Variants in SPOCK3 observed in about 807,000 individuals in gnomAD.
The protein encoded by SPOCK3 is SPARC (osteonectin), cwcv and kazal like domains proteoglycan 3.
SPOCK3 carries 30 observed loss-of-function variants against 56.6 expected under a neutral mutation model. The observed-to-expected ratio is 0.53, with a 90% CI of 0.40 to 0.72. The LOEUF is 0.72. Ranked by LOEUF, SPOCK3 falls within the 30% of genes least tolerant of loss-of-function variation. The pLI is 0.00. For missense variants in SPOCK3, 527 were observed against 530.0 expected (o/e 0.99, Z 0.06); for synonymous variants, 196 against 183.3 (o/e 1.07, Z -0.56).
chr4:166,929,177 T>G (rs1002291868), intron 4 of SPOCK3, among the ~76,000 whole-genome samples: 1 of 148,766 alleles, frequency 6.7e-6, no homozygotes, highest in Admixed American at 6.7e-5. Flanking sequence ...TCTAAAAAAG[T>G]AAGTATTTTA....
At chr4:167,179,416 A>T (rs902789503) in intron 2 of SPOCK3, among the ~76,000 whole-genome samples, 1 of 152,166 alleles carries the variant, frequency 6.6e-6, no homozygotes. Flanking sequence ...CATGCACATA[A>T]ATCTACTTAT....
chr4:166,825,209 T>C (rs1745331788), intron 6 of SPOCK3, among the ~76,000 whole-genome samples: 1 of 152,110 alleles, frequency 6.6e-6, no homozygotes, highest in Non-Finnish European at 1.5e-5. Flanking sequence ...TTAGATTTGA[T>C]CTTGCCCTAA....
intron 3 of SPOCK3, among the ~76,000 whole-genome samples, chr4:167,027,042 C>T (rs1751760063): frequency 6.6e-6 from 1 of 151,866 alleles, no homozygotes; most frequent in Non-Finnish European, 1.5e-5. Flanking sequence ...CATGTTCTCT[C>T]TACCTGGAAT....
At chr4:167,092,140 G>A (rs1336064607) in intron 2 of SPOCK3, among the ~76,000 whole-genome samples, 4 of 152,092 alleles carry the variant, frequency 2.6e-5, no homozygotes, top group Non-Finnish European at 5.9e-5. Flanking sequence ...AGCACACAGA[G>A]GGCAAGCTGA....
chr4:167,221,910 A>T (rs1171582997), intron 2 of SPOCK3, among the ~76,000 whole-genome samples: 1 of 152,174 alleles, frequency 6.6e-6, no homozygotes, highest in Non-Finnish European at 1.5e-5. Flanking sequence ...GTTCCTAAAA[A>T]AATTAAAAAC....
chr4:167,190,791 A>G (rs912067502), intron 2 of SPOCK3, among the ~76,000 whole-genome samples: 1 of 145,684 alleles, frequency 6.9e-6, no homozygotes, highest in African/African-American at 2.6e-5. Flanking sequence ...AATTTTGTGT[A>G]TGATATAAGA....
chr4:167,031,673 T>C (rs9284943), intron 3 of SPOCK3, among the ~76,000 whole-genome samples: 54,879 of 151,794 alleles, frequency 0.36, 12,294 homozygotes, highest in African/African-American at 0.64. Flanking sequence ...AGTATTATGA[T>C]GTAAGAATGG....
chr4:167,028,990 G>A (rs1212163748), intron 3 of SPOCK3, among the ~76,000 whole-genome samples: 1 of 151,928 alleles, frequency 6.6e-6, no homozygotes, highest in Non-Finnish European at 1.5e-5. Flanking sequence ...GTAAACGAGT[G>A]CCATGGTGGT....
At chr4:167,014,922 T>C (rs1448119883) in intron 3 of SPOCK3, among the ~76,000 whole-genome samples, 1 of 152,028 alleles carries the variant, frequency 6.6e-6, no homozygotes, top group Non-Finnish European at 1.5e-5. Context: ...TTTAGTAAAT[T>C]ATACCTCAAT....
At chr4:167,209,087 C>T (rs1580633221) in intron 2 of SPOCK3, among the ~76,000 whole-genome samples, 1 of 152,054 alleles carries the variant, frequency 6.6e-6, no homozygotes, top group African/African-American at 2.4e-5. Flanking sequence ...CTACTAGAGT[C>T]ACCACTAAAG....
Position 166,883,096 on chromosome 4 carries a change from A to C in SPOCK3, c.589+6034T>G, listed in dbSNP as rs547268695. ...ATTCCATAATTCAGAGGATATAAAA[A>C]AATTCCATCATACAAAATTAAACGT... On this transcript the variant is annotated intron_variant, in intron 6 of 10. Transcript: ENST00000357545. 2.0e-5 allele frequency: 3 copies of C among 152,308 alleles called. No individual in the cohort carries two copies. The East Asian group carries it at 5.8e-4, about 29-fold the overall frequency. 9.4% of individuals were successfully genotyped at this position (152,308 alleles called of 1,614,324 possible). A position where few individuals can be genotyped will look rare whatever the true frequency, so the allele number is the denominator to read the frequency against.
chr4:167,215,378 G>A (rs1250713889), intron 2 of SPOCK3, among the ~76,000 whole-genome samples: 1 of 151,990 alleles, frequency 6.6e-6, no homozygotes, highest in African/African-American at 2.4e-5. Flanking sequence ...TGCTGACACC[G>A]CCTTTCAAAA....
chr4:167,078,308 C>CTGTGTGTGTGTGTGTG (rs3082377), intron 2 of SPOCK3, among the ~76,000 whole-genome samples: 2 of 105,036 alleles, frequency 1.9e-5, no homozygotes, highest in East Asian at 3.2e-4. Context: ...GGTCATAACT[C>CTGTGTGTGTGTGTGTG]TGTGTGTGTG....
chr4:166,820,517 C>G (rs1744819395), intron 6 of SPOCK3, among the ~76,000 whole-genome samples: 1 of 151,800 alleles, frequency 6.6e-6, no homozygotes, highest in African/African-American at 2.4e-5. Flanking sequence ...GATGCCAACT[C>G]TCATACCAAA....
chr4:167,032,356 A>G (rs1424570956), intron 3 of SPOCK3, among the ~76,000 whole-genome samples: 1 of 151,984 alleles, frequency 6.6e-6, no homozygotes, highest in Non-Finnish European at 1.5e-5. Context: ...TTCTAGGCAT[A>G]GCAAACTGAG....
At chr4:166,777,301 A>G (rs1004014139) in intron 7 of SPOCK3, among the ~76,000 whole-genome samples, 4 of 152,232 alleles carry the variant, frequency 2.6e-5, no homozygotes, top group African/African-American at 9.6e-5. Flanking sequence ...TATTTTGTAA[A>G]CATTCCCAAG....
chr4:166,889,099 G>T, intron 6 of SPOCK3, 31 bp downstream of exon 6: 1 of 1,323,692 alleles, frequency 7.6e-7, no homozygotes, highest in Non-Finnish European at 1.1e-6. Context: ...AGTGATGAAT[G>T]TAAAATTATA....
chr4:167,000,257 G>A (rs992220935), intron 4 of SPOCK3, 92 bp downstream of exon 4: 2 of 580,322 alleles, frequency 3.4e-6, no homozygotes, highest in South Asian at 5.6e-5. Flanking sequence ...CTGCATAAAA[G>A]ATTAGCAGGC....
chr4:167,163,975 A>T (rs1252897138), intron 2 of SPOCK3, among the ~76,000 whole-genome samples: 1 of 152,168 alleles, frequency 6.6e-6, no homozygotes, highest in Non-Finnish European at 1.5e-5. Context: ...ACTCCATAAA[A>T]TCTAGACATG....
Sources: gnomAD v4.1 joint callset for allele counts (sites outside exome capture counted in the v4.1 genomes callset) on GRCh38, gnomAD v4.1.1 for gene constraint, MANE v1.5 for transcripts, NCBI Gene and HGNC (gene_info 2026-07-23, HGNC 2026-07-21) for gene names.